Variants in ADPGK observed in about 807,000 individuals in gnomAD.
The protein encoded by ADPGK is ADP-dependent glucokinase.
In ADPGK, 26 loss-of-function variants were observed where a neutral mutation model predicts 42.4. The observed-to-expected ratio is 0.61, with a 90% CI of 0.45 to 0.85. ADPGK has a LOEUF of 0.85. Among genes scored for constraint, ADPGK ranks in the 40% least tolerant of loss-of-function variants. The pLI, the probability that ADPGK is intolerant of heterozygous loss-of-function variation, is 0.00. For missense variants in ADPGK, 571 were observed against 627.0 expected (o/e 0.91, Z 0.95); for synonymous variants, 267 against 252.6 (o/e 1.06, Z -0.54).
intron 6 of ADPGK, among the ~76,000 whole-genome samples, chr15:72,753,991 G>A (rs542938411): frequency 4.3e-4 from 66 of 152,092 alleles, no homozygotes; most frequent in South Asian, 1.5e-3. Flanking sequence ...TGGTAGTTGG[G>A]GAGGCTTGTG....
At chr15:72,773,819 C>T (rs1001242402) in intron 2 of ADPGK, among the ~76,000 whole-genome samples, 3 of 152,232 alleles carry the variant, frequency 2.0e-5, no homozygotes, top group Admixed American at 6.5e-5. Context: ...CTAGGTAATG[C>T]CTATGTCCAT....
At chr15:72,777,470 G>A (rs1384370181) in intron 1 of ADPGK, among the ~76,000 whole-genome samples, 1 of 152,058 alleles carries the variant, frequency 6.6e-6, no homozygotes, top group African/African-American at 2.4e-5. Context: ...ATGAGGTCAG[G>A]AGTTTGAGAC....
chr15:72,778,250 A>G (rs538568074), intron 1 of ADPGK, among the ~76,000 whole-genome samples: 46 of 152,322 alleles, frequency 3.0e-4, no homozygotes, highest in African/African-American at 1.1e-3. Context: ...CCCTGTCTCA[A>G]AAAAACACTG....
At chr15:72,777,944 C>A (rs2066409732) in intron 1 of ADPGK, among the ~76,000 whole-genome samples, 1 of 152,018 alleles carries the variant, frequency 6.6e-6, no homozygotes, top group South Asian at 2.1e-4. Flanking sequence ...TACTTGATAA[C>A]TTTTTATAAT....
At position 72,758,185 on chromosome 15, in the gene ADPGK, C is replaced by A. The variant is rs139459868; in HGVS notation, c.644-1738G>T. ...TAGACACAAACACCTCCAGCATATT[C>A]ATGGCCCCGTTGGAGAGGCCATGCA... is the stretch of plus-strand genomic sequence containing the variant. On this transcript the variant is annotated intron_variant, in intron 4 of 6. Transcript: ENST00000456471. The A allele has an allele frequency of 2.0e-3, 3,037 of 1,519,600 alleles. 58 individuals are homozygous for A. The highest frequency in any genetic ancestry group is 8.2e-3 in the East Asian group (364 of 44,396). The allele number at this position is 1,519,600 out of a possible 1,614,324, so 94.1% of individuals were successfully genotyped here.
At chr15:72,775,829 C>T (rs1306633063) in intron 1 of ADPGK, among the ~76,000 whole-genome samples, 2 of 152,084 alleles carry the variant, frequency 1.3e-5, no homozygotes, top group Non-Finnish European at 2.9e-5. Context: ...TCCTGGTTGT[C>T]TCGATGGAAA....
At position 72,771,616 on chromosome 15, in the gene ADPGK, T is replaced by C. The variant is rs563824208; in HGVS notation, c.522+167A>G. 3.0e-4 allele frequency among the ~76,000 whole-genome samples: 46 copies of C among 152,334 alleles called. No homozygotes were observed. The South Asian group carries it at 9.5e-3, about 32-fold the overall frequency. On this transcript the variant is annotated intron_variant, in intron 3 of 6. Transcript: ENST00000456471. ...GGCACAGAGTAAACACTCAAAGTATTAGTTACTACTATCTCCTACTATTAC... is the reference window on the plus strand; with the variant it reads ...GGCACAGAGTAAACACTCAAAGTATCAGTTACTACTATCTCCTACTATTAC...
intron 3 of ADPGK, among the ~76,000 whole-genome samples, chr15:72,765,155 CTTT>C (rs199824004): frequency 6.6e-6 from 1 of 151,422 alleles, no homozygotes; most frequent in Non-Finnish European, 1.5e-5. Context: ...GTTATTTTGA[CTTT>C]TTTTTTGAGA....
chr15:72,766,608 T>C (rs751133128), intron 3 of ADPGK, among the ~76,000 whole-genome samples: 2 of 152,210 alleles, frequency 1.3e-5, no homozygotes, highest in African/African-American at 2.4e-5. Context: ...TAGTACGGTG[T>C]AAACATACCT....
In ADPGK at chr15:72,783,546, C is replaced by A. The variant is rs1051539352; in HGVS notation, c.146G>T (p.Gly49Val). 6.0e-6 allele frequency: 9 copies of A among 1,496,698 alleles called. No homozygotes were observed. The East Asian group carries it at 1.7e-4, about 28-fold the overall frequency. The allele number at this position is 1,496,698 out of a possible 1,614,324, so 92.7% of individuals were successfully genotyped here. A position where few individuals can be genotyped will look rare whatever the true frequency, so the allele number is the denominator to read the frequency against. The change falls in exon 1 of 7, where the codon GGA (glycine) becomes GTA (valine). Residue 49 changes from glycine to valine, a missense_variant. Physicochemically the swap from Gly to Val is moderately radical, Grantham distance 109. This residue lies in a region of ADPGK where 137 missense variants were observed against 104.2 expected (regional missense o/e 1.31). Coordinates refer to ENST00000456471, the MANE Select transcript of ADPGK (RefSeq NM_001365225.1). ...LCLGPAPAPP[G>V]PVSPEGRLAA... is the part of the protein sequence containing the mutation. ...CAACCGGCCCTCGGGGGAGACGGGT[C>A]CCGGGGGCGCAGGCGCGGGCCCCAG...
rs1045288879 is a variant in ADPGK, at chr15:72,751,822, T to C, written c.*519A>G. ...AAGCACGGGAGGGATTGTTTTGTCC[T>C]TAGCGGCTCTGTCCTAAATTTGAGA... On this transcript the variant is annotated 3_prime_UTR_variant, in exon 7 of 7. Transcript: ENST00000456471. 1 of 156,230 alleles carries C rather than the reference T, an allele frequency of 6.4e-6. No individual in the cohort carries two copies. The highest frequency in any genetic ancestry group is 1.4e-5 in the Non-Finnish European group (1 of 70,476). The allele number at this position is 156,230 out of a possible 1,614,324, so 9.7% of individuals were successfully genotyped here.
chr15:72,769,586 A>G (rs754197115), intron 3 of ADPGK, among the ~76,000 whole-genome samples: 3 of 152,204 alleles, frequency 2.0e-5, no homozygotes, highest in Non-Finnish European at 4.4e-5. Flanking sequence ...ACCTCAGGTA[A>G]TCCGCCTGCC....
Position 72,783,651 on chromosome 15 carries a change from G to C in ADPGK, c.41C>G (p.Ala14Gly). 2 of 1,508,810 alleles carry C rather than the reference G, an allele frequency of 1.3e-6. No homozygotes were observed. The highest frequency in any genetic ancestry group is 1.8e-6 in the Non-Finnish European group (2 of 1,136,364). The allele number at this position is 1,508,810 out of a possible 1,614,324, so 93.5% of individuals were successfully genotyped here. Residue 14 changes from alanine (A) to glycine (G), a missense_variant, in exon 1 of 7, where the codon GCG (alanine) becomes GGG (glycine). By Grantham distance (60) the Ala-to-Gly change is moderately conservative. This residue lies in a region of ADPGK where 137 missense variants were observed against 104.2 expected (regional missense o/e 1.31). Coordinates refer to ENST00000456471, the MANE Select transcript of ADPGK (RefSeq NM_001365225.1). ...WRGSAYAGFL[A>G]LAVGCVFLLE... ...CAGGAAGACGCAGCCCACGGCCAGC[G>C]CCAGGAAGCCCGCGTACGCGGAGCC...
At chr15:72,757,885 T>G in intron 4 of ADPGK, 1 of 554,576 alleles carries the variant, frequency 1.8e-6, no homozygotes. Flanking sequence ...AATACACTGA[T>G]TTCTTCAGGA....
intron 3 of ADPGK, 87 bp from the exon 4 acceptor site, chr15:72,760,614 CT>C: frequency 1.4e-6 from 2 of 1,418,282 alleles, no homozygotes; most frequent in East Asian, 4.9e-5. Flanking sequence ...TACATTCAGG[CT>C]GATTCTAATC....
intron 3 of ADPGK, among the ~76,000 whole-genome samples, chr15:72,766,334 A>G (rs528103524): frequency 2.9e-4 from 44 of 152,318 alleles, no homozygotes; most frequent in Non-Finnish European, 5.9e-4. Context: ...ATCACATGCT[A>G]CAGAGAAATC....
At chr15:72,755,427 T>C in intron 6 of ADPGK, 129 bp downstream of exon 6, 1 of 652,662 alleles carries the variant, frequency 1.5e-6, no homozygotes, top group Non-Finnish European at 2.7e-6. Flanking sequence ...TGGACTTGGG[T>C]CTGAGTGACA....
intron 1 of ADPGK, among the ~76,000 whole-genome samples, chr15:72,776,661 A>G (rs1328533298): frequency 1.3e-5 from 2 of 152,236 alleles, no homozygotes; most frequent in Admixed American, 1.3e-4. Context: ...AAAGGTTTGT[A>G]TGCAGACTAG....
rs147397198 is a variant in ADPGK, at chr15:72,757,850, G to A, written c.644-1403C>T. 155 of 445,722 alleles carry A rather than the reference G, an allele frequency of 3.5e-4. No homozygotes were observed. The East Asian group carries it at 6.3e-3, about 18-fold the overall frequency. 27.6% of individuals were successfully genotyped at this position (445,722 alleles called of 1,614,324 possible). A position where few individuals can be genotyped will look rare whatever the true frequency, so the allele number is the denominator to read the frequency against. Reference sequence around the variant, plus strand: ...GGAAACACGACCTAACTGAACCTAGGAGAAAGGAGCCACACTGTATTGAAA... The same window carrying A: ...GGAAACACGACCTAACTGAACCTAGAAGAAAGGAGCCACACTGTATTGAAA... On this transcript the variant is annotated intron_variant, in intron 4 of 6. Transcript: ENST00000456471.
Sources: gnomAD v4.1 joint callset for allele counts (sites outside exome capture counted in the v4.1 genomes callset) on GRCh38, gnomAD v4.1.1 for gene constraint, gnomAD v4.1.1 regional missense constraint, MANE v1.5 for transcripts, NCBI Gene and HGNC (gene_info 2026-07-23, HGNC 2026-07-21) for gene names.